SNAP91: variants seen among roughly 807,000 people sequenced by gnomAD.
SNAP91 encodes the protein clathrin coat assembly protein AP180.
A neutral mutation model predicts 100.3 loss-of-function variants in SNAP91; 27 were observed. That is an observed-to-expected ratio of 0.27 (90% CI 0.20 to 0.37). SNAP91 has a LOEUF of 0.37. Ranked by LOEUF, SNAP91 falls within the 10% of genes least tolerant of loss-of-function variation. The pLI is 1.00. For missense variants in SNAP91, 986 were observed against 1,123.7 expected (o/e 0.88, Z 1.75); for synonymous variants, 404 against 398.6 (o/e 1.01, Z -0.16).
intron 26 of SNAP91, among the ~76,000 whole-genome samples, chr6:83,564,434 C>T (rs1793683594): frequency 6.6e-6 from 1 of 151,544 alleles, no homozygotes; most frequent in Admixed American, 6.6e-5. Context: ...AGTTCCCTGG[C>T]TCAAGTGATT....
chr6:83,653,946 T>TC (rs2098308077), intron 7 of SNAP91, among the ~76,000 whole-genome samples: 1 of 152,124 alleles, frequency 6.6e-6, no homozygotes, highest in Non-Finnish European at 1.5e-5. Context: ...CAGGTAAAGC[T>TC]CTGGTTAAGT....
chr6:83,594,198 A>C (rs1276629542), intron 17 of SNAP91, among the ~76,000 whole-genome samples, 176 bp downstream of exon 17: 1 of 152,240 alleles, frequency 6.6e-6, no homozygotes, highest in Non-Finnish European at 1.5e-5. Context: ...AATTTTGATA[A>C]GTATGTACTT....
Position 83,662,355 on chromosome 6 carries a change from C to T in SNAP91, c.341G>A (p.Gly114Glu). The T allele has an allele frequency of 7.1e-7, 1 of 1,415,388 alleles. No homozygotes were observed. Among genetic ancestry groups the T allele is most frequent in the Non-Finnish European group, 9.4e-7 (1 of 1,062,492 alleles). The allele number at this position is 1,415,388 out of a possible 1,614,324, so 87.7% of individuals were successfully genotyped here. Residue 114 changes from glycine (G) to glutamate (E), a missense_variant, in exon 4 of 30, where the codon GGA becomes GAA. By Grantham distance (98) the Gly-to-Glu change is moderately conservative. Coordinates refer to ENST00000369694, the MANE Select transcript of SNAP91 (RefSeq NM_001242792.2). ...FNLSNFLDKSGSHGYDMSTFI... is the reference protein window; with the variant it reads ...FNLSNFLDKSESHGYDMSTFI... Reference sequence around the variant, plus strand: ...AATACAAATATTCTCACCATGGGATCCACTTTTGTCCAAAAAATTGCTGAG... The same window carrying T: ...AATACAAATATTCTCACCATGGGATTCACTTTTGTCCAAAAAATTGCTGAG...
chr6:83,567,524 TC>T (rs1483369757), intron 26 of SNAP91, among the ~76,000 whole-genome samples: 1 of 152,066 alleles, frequency 6.6e-6, no homozygotes, highest in Non-Finnish European at 1.5e-5. Flanking sequence ...CGAAAGAGCT[TC>T]TGCACAGCAA....
intron 3 of SNAP91, 143 bp downstream of exon 3, chr6:83,665,296 T>C (rs1472194614): frequency 3.8e-6 from 3 of 780,802 alleles, no homozygotes; most frequent in Admixed American, 2.8e-5. Flanking sequence ...AAGATTAAAC[T>C]TGTATTCTAG....
rs569761010 is a variant in SNAP91, at chr6:83,613,258, GT to G, written c.884+1598del. 1.3e-3 allele frequency among the ~76,000 whole-genome samples: 202 copies of G among 152,118 alleles called. 2 individuals are homozygous for G. The highest frequency in any genetic ancestry group is 2.3e-3 in the Non-Finnish European group (156 of 67,980). ...CTCTATCTTCTTCACTAGATACTAA[GT>G]TTTTTGAAAGGAAGGAACTCATCCC... On this transcript the variant is annotated intron_variant, in intron 11 of 29. Coordinates refer to ENST00000369694, the MANE Select transcript of SNAP91 (RefSeq NM_001242792.2).
chr6:83,605,852 T>C (rs2095576547), intron 13 of SNAP91, 49 bp from the exon 14 acceptor site: 1 of 1,430,668 alleles, frequency 7.0e-7, no homozygotes, highest in Non-Finnish European at 9.4e-7. Context: ...TTTTATAACA[T>C]AAAGGTGTTT....
At chr6:83,580,641 A>G (rs761659642) in intron 23 of SNAP91, 42 bp from the exon 24 acceptor site, 4 of 1,527,544 alleles carry the variant, frequency 2.6e-6, no homozygotes, top group Non-Finnish European at 3.5e-6. Context: ...TTGAAAACAA[A>G]AAAAGATCAT....
intron 26 of SNAP91, among the ~76,000 whole-genome samples, chr6:83,562,114 A>G (rs1215385708): frequency 6.6e-6 from 1 of 152,244 alleles, no homozygotes; most frequent in African/African-American, 2.4e-5. Context: ...CCAAATGTAT[A>G]AAGAATTAAT....
At chr6:83,646,995 C>A (rs1585427922) in intron 7 of SNAP91, among the ~76,000 whole-genome samples, 2 of 151,446 alleles carry the variant, frequency 1.3e-5, no homozygotes, top group East Asian at 1.9e-4. Context: ...TTGTTCATTG[C>A]TAGTATATCA....
intron 14 of SNAP91, 116 bp from the exon 15 acceptor site, chr6:83,601,715 G>T: frequency 1.1e-6 from 1 of 917,136 alleles, no homozygotes; most frequent in African/African-American, 1.7e-5. Flanking sequence ...TTAGCTTTAT[G>T]TGTCTTCTAC....
chr6:83,663,765 G>A (rs2098612263), intron 3 of SNAP91, among the ~76,000 whole-genome samples: 1 of 152,126 alleles, frequency 6.6e-6, no homozygotes. Context: ...CATGAAGGTG[G>A]CTACATGAAA....
At chr6:83,657,964 G>A (rs1586041812) in intron 6 of SNAP91, among the ~76,000 whole-genome samples, 1 of 135,636 alleles carries the variant, frequency 7.4e-6, no homozygotes, top group African/African-American at 2.7e-5. Flanking sequence ...ATTTTTAGTA[G>A]AGACAGAGTT....
intron 9 of SNAP91, among the ~76,000 whole-genome samples, chr6:83,617,928 C>G (rs2096566176): frequency 6.6e-6 from 1 of 151,702 alleles, no homozygotes; most frequent in Non-Finnish European, 1.5e-5. Flanking sequence ...TATATAACTA[C>G]CCTTATAGGT....
chr6:83,601,230 G>A (rs1278159532), intron 16 of SNAP91, 41 bp downstream of exon 16: 6 of 1,602,766 alleles, frequency 3.7e-6, no homozygotes, highest in African/African-American at 1.3e-5. Context: ...AGTAATTTTA[G>A]CAATCCTGAA....
intron 2 of SNAP91, among the ~76,000 whole-genome samples, chr6:83,680,516 G>A (rs948308069): frequency 6.6e-6 from 1 of 152,062 alleles, no homozygotes; most frequent in Non-Finnish European, 1.5e-5. Context: ...GGATATTTAG[G>A]CAATCTGTTT....
At chr6:83,672,106 C>T (rs1244176438) in intron 2 of SNAP91, among the ~76,000 whole-genome samples, 2 of 152,064 alleles carry the variant, frequency 1.3e-5, no homozygotes, top group African/African-American at 4.8e-5. Flanking sequence ...ACTCAGCTAC[C>T]TTACTAATCT....
At chr6:83,564,225 T>G (rs1793085627) in intron 26 of SNAP91, among the ~76,000 whole-genome samples, 1 of 152,114 alleles carries the variant, frequency 6.6e-6, no homozygotes, top group Non-Finnish European at 1.5e-5. Flanking sequence ...TTTTTTCTCT[T>G]TCTTAAATTA....
At chr6:83,565,748 T>C (rs1795646040) in intron 26 of SNAP91, among the ~76,000 whole-genome samples, 1 of 152,116 alleles carries the variant, frequency 6.6e-6, no homozygotes, top group African/African-American at 2.4e-5. Flanking sequence ...TGCATATCAA[T>C]GCCACAATGA....
Sources: allele counts gnomAD v4.1 joint callset (sites outside exome capture counted in the v4.1 genomes callset), GRCh38; gene constraint gnomAD v4.1.1; transcripts MANE v1.5; gene names NCBI Gene and HGNC (gene_info 2026-07-23, HGNC 2026-07-21).